ARMH3: variants seen among roughly 807,000 people sequenced by gnomAD.
ARMH3 encodes armadillo-like helical domain-containing protein 3.
ARMH3 carries 60 observed loss-of-function variants against 99.1 expected under a neutral mutation model. The ratio of observed to expected loss-of-function variants is 0.61; its 90% CI spans 0.49 to 0.75. ARMH3 has a LOEUF of 0.75. ARMH3 is among the 30% of genes least tolerant of loss of function. The pLI is 0.00. For missense variants in ARMH3, 679 were observed against 843.1 expected (o/e 0.81, Z 2.41); for synonymous variants, 285 against 292.8 (o/e 0.97, Z 0.27).
At chr10:101,970,201 C>T (rs1845707093) in intron 20 of ARMH3, among the ~76,000 whole-genome samples, 1 of 152,178 alleles carries the variant, frequency 6.6e-6, no homozygotes, top group African/African-American at 2.4e-5. Context: ...GCTTAGAAAC[C>T]ATCAAAGTTT....
Position 102,040,089 on chromosome 10 carries a change from C to T in ARMH3, c.26G>A (p.Gly9Asp). 2.5e-6 allele frequency: 4 copies of T among 1,614,192 alleles called. No individual in the cohort carries two copies. Among genetic ancestry groups the T allele is most frequent in the Non-Finnish European group, 3.4e-6 (4 of 1,180,022 alleles). Residue 9 changes from glycine to aspartate, a missense_variant, in exon 2 of 26, where the codon GGT becomes GAT. Gly to Asp is a moderately conservative substitution (Grantham distance 94). Around this residue, in one of 3 missense-constraint regions of ARMH3, gnomAD observed 280 missense variants for 354.6 expected, o/e 0.79. Transcript: ENST00000370033. ...GGAGGCTGAAGATTTCCGGAGCAAA[C>T]CTCCACGTTTCTCTACCTGTGCCAT... MAQVEKRG[G>D]LLRKSSASKK...
chr10:102,049,569 G>A (rs893388753), intron 1 of ARMH3, among the ~76,000 whole-genome samples: 1 of 150,696 alleles, frequency 6.6e-6, no homozygotes, highest in Non-Finnish European at 1.5e-5. Flanking sequence ...AGAAAATAGA[G>A]TAGGGCCTGC....
chr10:101,977,656 G>C (rs1846069062), intron 19 of ARMH3, among the ~76,000 whole-genome samples: 2 of 152,210 alleles, frequency 1.3e-5, no homozygotes. Context: ...GAGGTGACTG[G>C]GTCATGAGGG....
intron 23 of ARMH3, among the ~76,000 whole-genome samples, chr10:101,926,819 AG>A (rs918588214): frequency 2.6e-5 from 4 of 152,226 alleles, no homozygotes; most frequent in Non-Finnish European, 5.9e-5. Flanking sequence ...AATAATAATT[AG>A]GGAGTAGCAC....
intron 2 of ARMH3, among the ~76,000 whole-genome samples, chr10:102,039,545 A>G (rs912518989): frequency 6.6e-6 from 1 of 152,342 alleles, no homozygotes; most frequent in East Asian, 1.9e-4. Flanking sequence ...TATCCCCTAT[A>G]GTTGGAGAAT....
intron 20 of ARMH3, among the ~76,000 whole-genome samples, chr10:101,974,834 C>T (rs1203407509): frequency 1.3e-5 from 2 of 152,008 alleles, no homozygotes; most frequent in East Asian, 3.9e-4. Context: ...TCCCTACAGT[C>T]CATATGCGGC....
intron 9 of ARMH3, among the ~76,000 whole-genome samples, chr10:102,013,144 A>G (rs1015088425): frequency 5.3e-5 from 8 of 152,222 alleles, no homozygotes; most frequent in Admixed American, 5.2e-4. Flanking sequence ...GATTGTTGAC[A>G]ATTTCACTGG....
intron 24 of ARMH3, among the ~76,000 whole-genome samples, chr10:101,875,232 G>GAA (rs200513572): frequency 2.8e-5 from 4 of 141,802 alleles, no homozygotes; most frequent in African/African-American, 1.0e-4. Context: ...CAAAGTGACT[G>GAA]AAAAAAAAAA....
intron 20 of ARMH3, among the ~76,000 whole-genome samples, chr10:101,961,009 C>T (rs1009119458): frequency 6.6e-6 from 1 of 152,010 alleles, no homozygotes; most frequent in Admixed American, 6.6e-5. Context: ...ATACTGTTAT[C>T]AGCACTTCTC....
At chr10:101,995,226 G>T in intron 16 of ARMH3, 71 bp downstream of exon 16, 1 of 1,298,678 alleles carries the variant, frequency 7.7e-7, no homozygotes, top group Non-Finnish European at 1.1e-6. Flanking sequence ...ACAGTAATGG[G>T]GTGAGGGGAG....
At chr10:101,917,226 A>G (rs2135579399) in intron 23 of ARMH3, among the ~76,000 whole-genome samples, 1 of 152,318 alleles carries the variant, frequency 6.6e-6, no homozygotes, top group Non-Finnish European at 1.5e-5. Context: ...TCATCACCTC[A>G]AAAGTTCCCC....
At chr10:101,981,575 G>A (rs1448626402) in intron 19 of ARMH3, among the ~76,000 whole-genome samples, 39 of 152,288 alleles carry the variant, frequency 2.6e-4, no homozygotes, top group Admixed American at 2.4e-3. Context: ...ATAGCACTCC[G>A]AATAATAAGC....
At chr10:102,046,408 CT>C (rs1238606874) in intron 1 of ARMH3, among the ~76,000 whole-genome samples, 1 of 151,790 alleles carries the variant, frequency 6.6e-6, no homozygotes, top group Non-Finnish European at 1.5e-5. Flanking sequence ...AATCCCAGCA[CT>C]TTGGAGGCCG....
In ARMH3 at chr10:102,051,211, G is replaced by A. The variant is rs191131847; in HGVS notation, c.-12+4874C>T. 1.2e-3 allele frequency among the ~76,000 whole-genome samples: 179 copies of A among 151,178 alleles called. 1 individual carries two copies. Among genetic ancestry groups the A allele is most frequent in the African/African-American group, 4.0e-3 (167 of 41,268 alleles). ...AAGTCAAGTGGGCGCAGTGGCTCAT[G>A]CCTGTAATATCAGCACTTTGGGAGG... On this transcript the variant is annotated intron_variant, in intron 1 of 25. Coordinates refer to ENST00000370033, the MANE Select transcript of ARMH3 (RefSeq NM_024541.3).
rs146126604 is a variant in ARMH3, at chr10:101,847,198, C to T, written c.*330G>A. ...TGGCATTACCCTGAGGCTTGCCTCA[C>T]CAGCTCCCGAAAATTAGTCAGTAGC... On this transcript the variant is annotated 3_prime_UTR_variant, in exon 26 of 26. Coordinates refer to ENST00000370033, the MANE Select transcript of ARMH3 (RefSeq NM_024541.3). The T allele has an allele frequency of 1.1e-5, 3 of 262,586 alleles. No homozygotes were observed. Among genetic ancestry groups the T allele is most frequent in the African/African-American group, 6.6e-5 (3 of 45,258 alleles). The allele number at this position is 262,586 out of a possible 1,614,324, so 16.3% of individuals were successfully genotyped here. A position where few individuals can be genotyped will look rare whatever the true frequency, so the allele number is the denominator to read the frequency against.
intron 20 of ARMH3, among the ~76,000 whole-genome samples, chr10:101,962,766 A>G (rs991981776): frequency 3.9e-5 from 6 of 152,190 alleles, no homozygotes; most frequent in African/African-American, 1.4e-4. Flanking sequence ...CTGAACTCCC[A>G]CTGCTGAGGT....
At chr10:102,054,225 C>T (rs1833372220) in intron 1 of ARMH3, among the ~76,000 whole-genome samples, 2 of 151,818 alleles carry the variant, frequency 1.3e-5, no homozygotes, top group Admixed American at 1.3e-4. Context: ...TCCGTCATTA[C>T]TAAAAACACA....
At chr10:101,925,416 G>A (rs76657413) in intron 23 of ARMH3, among the ~76,000 whole-genome samples, 2 of 152,186 alleles carry the variant, frequency 1.3e-5, no homozygotes, top group East Asian at 3.9e-4. Flanking sequence ...TAGTATGTCA[G>A]AGATTTTGAA....
At chr10:102,052,106 G>A (rs2067721538) in intron 1 of ARMH3, among the ~76,000 whole-genome samples, 1 of 151,894 alleles carries the variant, frequency 6.6e-6, no homozygotes, top group Non-Finnish European at 1.5e-5. Context: ...TATTCAAACG[G>A]CACACTGTCA....
Sources: allele counts gnomAD v4.1 joint callset (sites outside exome capture counted in the v4.1 genomes callset), GRCh38; gene constraint gnomAD v4.1.1; regional missense constraint gnomAD v4.1.1; transcripts MANE v1.5; gene names NCBI Gene and HGNC (gene_info 2026-07-23, HGNC 2026-07-21).